ZNF658: variants seen among roughly 807,000 people sequenced by gnomAD.
ZNF658 encodes the protein zinc finger protein 658.
In ZNF658, 46 loss-of-function variants were observed where a neutral mutation model predicts 78.0. The observed-to-expected ratio is 0.59, with a 90% CI of 0.47 to 0.75. The LOEUF (loss-of-function observed/expected upper bound fraction) is 0.75, where lower values mean the gene tolerates loss of function less well. Ranked by LOEUF, ZNF658 falls within the 30% of genes least tolerant of loss-of-function variation. The pLI is 0.00. For synonymous variants in ZNF658, 279 were observed against 408.4 expected (o/e 0.68, Z 3.82); for missense variants, 785 against 1,189.3 (o/e 0.66, Z 5.00).
downstream of ZNF658, among the ~76,000 whole-genome samples, chr9:66,924,505 GAAATGTAATAA>G (rs1158164988): frequency 8.8e-6 from 1 of 114,196 alleles, no homozygotes; most frequent in African/African-American, 3.4e-5. Context: ...AAAGGAAGAT[GAAATGTAATAA>G]AAATGTTTGA....
At chr9:66,913,299 C>T (rs1822256685) in intron 4 of ZNF658, among the ~76,000 whole-genome samples, 1 of 151,948 alleles carries the variant, frequency 6.6e-6, no homozygotes, top group East Asian at 1.9e-4. Flanking sequence ...GTGGCAGGTG[C>T]CTGTAATCCC....
downstream of ZNF658, among the ~76,000 whole-genome samples, chr9:66,923,062 C>T (rs548014752): frequency 0.017 from 2,590 of 149,896 alleles, 28 homozygotes; most frequent in Middle Eastern, 0.036. Flanking sequence ...CAAAATAGGC[C>T]ATCTGCAAGC....
chr9:66,910,219 A>G lies in ZNF658; in HGVS notation c.238+1485A>G, dbSNP rs533277065. 2.0e-5 allele frequency among the ~76,000 whole-genome samples: 3 copies of G among 152,318 alleles called. No individual in the cohort carries two copies. In the South Asian group the frequency reaches 6.2e-4, roughly 32 times the overall value. On this transcript the variant is annotated intron_variant, in intron 4 of 4. Coordinates refer to ENST00000621410, the MANE Select transcript of ZNF658 (RefSeq NM_033160.7). The stretch of plus-strand genomic sequence containing the variant: ...AACAATTTCCCTGGTCACCAATGAT[A>G]TCAGGCATCTTTTTATATGCCTATT...
At chr9:66,915,298 C>T (rs932908892) in intron 4 of ZNF658, among the ~76,000 whole-genome samples, 5 of 151,738 alleles carry the variant, frequency 3.3e-5, no homozygotes, top group Non-Finnish European at 4.4e-5. Context: ...TATGTTTTAA[C>T]ATTTGACATA....
rs759151058 is a variant in ZNF658, at chr9:66,908,354, C to A, written c.132C>A (p.Leu44=). 3.1e-6 allele frequency: 5 copies of A among 1,614,108 alleles called. No homozygotes were observed. In the South Asian group the frequency reaches 5.5e-5, roughly 18 times the overall value. The change falls in exon 3 of 5, where the codon CTC becomes CTA. Residue 44 remains leucine, a synonymous_variant. Transcript: ENST00000621410. ...TGATGCTGGAGAACTACAGCCACCTCATCTCAGTGGGTGAGCATAGCTTAC... is the reference window on the plus strand; with the variant it reads ...TGATGCTGGAGAACTACAGCCACCTAATCTCAGTGGGTGAGCATAGCTTAC... ...RDVMLENYSH[L]ISVGYCITKP... is the part of the protein sequence containing the mutation.
chr9:66,901,963 A>G (rs571439912), intron 1 of ZNF658, among the ~76,000 whole-genome samples: 7 of 152,140 alleles, frequency 4.6e-5, no homozygotes, highest in African/African-American at 1.7e-4. Context: ...AAAAGTTTAG[A>G]ATTTTTCAGT....
Position 66,908,300 on chromosome 9 carries a change from C to T in ZNF658, c.78C>T (p.Gly26=), listed in dbSNP as rs1564170223. The change falls in exon 3 of 5, where the codon GGC becomes GGT. Residue 26 remains glycine (G), a synonymous_variant. Transcript: ENST00000621410. ...EFTREEWQHL[G]PVERTLYRDV... ...CCCGGGAGGAGTGGCAGCACCTGGG[C>T]CCTGTCGAGAGGACGCTGTACAGAG... is the stretch of plus-strand genomic sequence containing the variant. 7 of 1,613,956 alleles carry T rather than the reference C, an allele frequency of 4.3e-6. No individual in the cohort carries two copies.
intron 4 of ZNF658, among the ~76,000 whole-genome samples, chr9:66,910,584 A>G (rs1001748090): frequency 1.3e-5 from 2 of 151,790 alleles, no homozygotes; most frequent in Non-Finnish European, 2.9e-5. Context: ...CAAGGCAGAC[A>G]GATCACGAGG....
At chr9:66,904,504 T>A (rs1204983963) in intron 2 of ZNF658, among the ~76,000 whole-genome samples, 2 of 152,106 alleles carry the variant, frequency 1.3e-5, no homozygotes, top group Non-Finnish European at 2.9e-5. Flanking sequence ...TTGTCTTCCC[T>A]TGTTTTTTTC....
At chr9:66,902,939 CTGGTCT>C (rs1821986580) in intron 1 of ZNF658, 1 of 151,718 alleles carries the variant, frequency 6.6e-6, no homozygotes, top group African/African-American at 2.4e-5. Context: ...GTTGACCAGG[CTGGTCT>C]TGAACTCTTG....
chr9:66,930,356 T>C (rs1822628799), intron 6 of ZNF658, among the ~76,000 whole-genome samples: 1 of 144,958 alleles, frequency 6.9e-6, no homozygotes, highest in African/African-American at 2.5e-5. Context: ...CCACTCAGAA[T>C]AGTGACCTGC....
chr9:66,908,679 G>A lies in ZNF658; in HGVS notation c.183G>A (p.Glu61=), dbSNP rs1822139622. 2 of 1,589,932 alleles carry A rather than the reference G, an allele frequency of 1.3e-6. No individual in the cohort carries two copies. The highest frequency in any genetic ancestry group is 1.7e-6 in the Non-Finnish European group (2 of 1,165,758). Reference sequence around the variant, plus strand: ...AACCTAAGGTGATCTCCAAGTTGGAGAAAGGAGAAGAGCCATGGTCTTTAG... The same window carrying A: ...AACCTAAGGTGATCTCCAAGTTGGAAAAAGGAGAAGAGCCATGGTCTTTAG... ...ITKPKVISKL[E]KGEEPWSLED... Residue 61 remains glutamate, a synonymous_variant, in exon 4 of 5, where the codon GAG becomes GAA. Transcript: ENST00000621410.
chr9:66,921,508 T>C (rs1822527102), downstream of ZNF658: 1 of 151,572 alleles, frequency 6.6e-6, no homozygotes, highest in Non-Finnish European at 1.5e-5. Context: ...AGAACTGATG[T>C]ACCAAGCTTC....
At position 66,920,398 on chromosome 9, in the gene ZNF658, G is replaced by C. The variant is rs555466137; in HGVS notation, c.2832G>C (p.Gly944=). Residue 944 remains glycine (G), a synonymous_variant, in exon 5 of 5, where the codon GGG becomes GGC. Transcript: ENST00000621410. ...AACCCTACGAATGTAATGTATGTGG[G>C]AAGCCATTTGCCCATAATTCAACCC... is the stretch of plus-strand genomic sequence containing the variant. ...GEKPYECNVC[G]KPFAHNSTLR... is the part of the protein sequence containing the mutation. 2 of 1,611,680 alleles carry C rather than the reference G, an allele frequency of 1.2e-6. No individual in the cohort carries two copies. The highest frequency in any genetic ancestry group is 4.5e-5 in the East Asian group (2 of 44,790).
chr9:66,904,316 G>A lies in ZNF658; in HGVS notation c.15+740G>A, dbSNP rs540567273. Among the ~76,000 whole-genome samples the A allele has an allele frequency of 4.6e-3, 692 of 151,890 alleles. 3 individuals carry two copies. The highest frequency in any genetic ancestry group is 0.027 in the South Asian group (129 of 4,804). ...TTTCCTTAACTTGCTTGGCTTTTCC[G>A]CAGCACTTGCCTCAATGTCTCACTC... is the stretch of plus-strand genomic sequence containing the variant. On this transcript the variant is annotated intron_variant, in intron 2 of 4. Coordinates refer to ENST00000621410, the MANE Select transcript of ZNF658 (RefSeq NM_033160.7).
intron 2 of ZNF658, among the ~76,000 whole-genome samples, chr9:66,905,753 TC>T (rs1273252686): frequency 6.7e-6 from 1 of 148,318 alleles, no homozygotes; most frequent in Admixed American, 6.8e-5. Context: ...TTTATTTATA[TC>T]CTTTATCTGG....
chr9:66,931,574 T>C (rs1399592610), intron 6 of ZNF658, among the ~76,000 whole-genome samples: 2 of 150,758 alleles, frequency 1.3e-5, no homozygotes, highest in Admixed American at 6.7e-5. Context: ...AATCCTACGC[T>C]TGGTGAAATG....
intron 4 of ZNF658, among the ~76,000 whole-genome samples, chr9:66,913,222 C>G (rs980848829): frequency 6.6e-6 from 1 of 150,916 alleles, no homozygotes; most frequent in Non-Finnish European, 1.5e-5. Flanking sequence ...GTCAGGAATT[C>G]AAGACCAGCC....
chr9:66,931,438 G>A (rs1052685566), intron 6 of ZNF658, among the ~76,000 whole-genome samples: 31 of 151,994 alleles, frequency 2.0e-4, no homozygotes, highest in Non-Finnish European at 3.5e-4. Flanking sequence ...AACATGCTTA[G>A]CCTCTCTGTA....
Sources: allele counts gnomAD v4.1 joint callset (sites outside exome capture counted in the v4.1 genomes callset), GRCh38; gene constraint gnomAD v4.1.1; transcripts MANE v1.5; gene names NCBI Gene and HGNC (gene_info 2026-07-23, HGNC 2026-07-21).